DLG2: variants seen among roughly 807,000 people sequenced by gnomAD.
DLG2 encodes the protein disks large homolog 2.
A neutral mutation model predicts 132.5 loss-of-function variants in DLG2; 45 were observed. That is an observed-to-expected ratio of 0.34 (90% confidence interval 0.27 to 0.44). The LOEUF is 0.44. Among genes scored for constraint, DLG2 ranks in the 20% least tolerant of loss-of-function variants. The pLI is 1.00. For missense variants in DLG2, 1,045 were observed against 1,196.9 expected, an observed-to-expected ratio of 0.87 and a Z score of 1.87; for synonymous variants, 424 against 419.6, an observed-to-expected ratio of 1.01 and a Z score of -0.13.
intron 6 of DLG2, among the ~76,000 whole-genome samples, chr11:84,967,952 T>C (rs1364752292): frequency 1.3e-5 from 2 of 152,090 alleles, no homozygotes; most frequent in Admixed American, 1.3e-4. Flanking sequence ...TTCAGTGGAA[T>C]AACCTAGAAA....
intron 4 of DLG2, among the ~76,000 whole-genome samples, chr11:85,204,379 A>G (rs1176928429): frequency 1.3e-5 from 2 of 152,186 alleles, no homozygotes; most frequent in Non-Finnish European, 2.9e-5. Flanking sequence ...TAGCATTTCT[A>G]TATGTTAACT....
In DLG2 at chr11:84,254,989, GAC is replaced by G. The variant is rs1206166999; in HGVS notation, c.520-3700_520-3699del. Among the ~76,000 whole-genome samples the G allele has an allele frequency of 3.3e-5, 5 of 152,262 alleles. No homozygotes were observed. In the East Asian group the frequency reaches 9.7e-4, roughly 29 times the overall value. ...GATGCCACGGTAGGCTCTTCTGAAT[GAC>G]ACACTACCCCACTGTGCTGCTACAC... On this transcript the variant is annotated intron_variant, in intron 7 of 27. Transcript: ENST00000376104.
chr11:84,559,126 G>T (rs1412489233), intron 6 of DLG2, among the ~76,000 whole-genome samples: 1 of 152,138 alleles, frequency 6.6e-6, no homozygotes, highest in Non-Finnish European at 1.5e-5. Flanking sequence ...AATAGATATT[G>T]TATGAAGGCA....
intron 4 of DLG2, among the ~76,000 whole-genome samples, chr11:85,193,898 G>T (rs1032917323): frequency 9.9e-5 from 15 of 152,174 alleles, no homozygotes; most frequent in Non-Finnish European, 1.8e-4. Context: ...CAGTGTCTTG[G>T]TCATTTTGTC....
intron 6 of DLG2, among the ~76,000 whole-genome samples, chr11:84,911,289 ACTTTTAAATTTTAATTC>A (rs919802239): frequency 6.6e-6 from 1 of 151,998 alleles, no homozygotes; most frequent in Non-Finnish European, 1.5e-5. Context: ...ATGTTGCTTA[ACTTTTAAATTTTAATTC>A]ATAATTGTAC....
intron 14 of DLG2, among the ~76,000 whole-genome samples, chr11:83,941,794 C>T (rs2082725852): frequency 6.6e-6 from 1 of 152,176 alleles, no homozygotes; most frequent in Non-Finnish European, 1.5e-5. Context: ...CATCTATACT[C>T]AAATCTATAC....
intron 14 of DLG2, among the ~76,000 whole-genome samples, chr11:83,952,326 G>A (rs2085681272): frequency 6.6e-6 from 1 of 152,100 alleles, no homozygotes; most frequent in Non-Finnish European, 1.5e-5. Flanking sequence ...CACCATGGGG[G>A]AAAGAGTGAG....
intron 6 of DLG2, among the ~76,000 whole-genome samples, chr11:85,078,599 C>T (rs537241873): frequency 5.3e-5 from 8 of 152,058 alleles, no homozygotes; most frequent in Admixed American, 1.3e-4. Context: ...ACTGAAATAA[C>T]CTTTCCTGTA....
At chr11:85,100,401 TA>T (rs1172651339) in intron 6 of DLG2, among the ~76,000 whole-genome samples, 1 of 152,182 alleles carries the variant, frequency 6.6e-6, no homozygotes, top group Admixed American at 6.5e-5. Context: ...TAATTATTTT[TA>T]TTTCATAAAT....
chr11:85,044,101 C>T (rs1050714152), intron 6 of DLG2, among the ~76,000 whole-genome samples: 1 of 151,914 alleles, frequency 6.6e-6, no homozygotes, highest in Non-Finnish European at 1.5e-5. Context: ...TGTTACTTTG[C>T]CCCATTCATC....
chr11:83,888,351 T>C (rs1457149948), intron 15 of DLG2, among the ~76,000 whole-genome samples: 2 of 152,014 alleles, frequency 1.3e-5, no homozygotes, highest in East Asian at 1.9e-4. Flanking sequence ...CCATTCACAA[T>C]TGCTTCAAAG....
chr11:84,918,567 C>T (rs528348650), intron 6 of DLG2, among the ~76,000 whole-genome samples: 1 of 152,042 alleles, frequency 6.6e-6, no homozygotes, highest in South Asian at 2.1e-4. Flanking sequence ...ACTGAATAAA[C>T]CTGGTGAAAA....
chr11:83,912,438 A>G (rs1232253324), intron 15 of DLG2, among the ~76,000 whole-genome samples: 1 of 152,080 alleles, frequency 6.6e-6, no homozygotes, highest in Non-Finnish European at 1.5e-5. Context: ...AATGTTGTGC[A>G]TGAGTGTACA....
Position 85,497,616 on chromosome 11 carries a change from C to A in DLG2, c.40+101041G>T, listed in dbSNP as rs181811669. ...TTCCTTGAAAAGAGCAACACCAAGA[C>A]ACAAAATTGTCAATTTCACCAAGGT... is the stretch of plus-strand genomic sequence containing the variant. On this transcript the variant is annotated intron_variant, in intron 3 of 27. Transcript: ENST00000376104. 2.6e-3 allele frequency among the ~76,000 whole-genome samples: 392 copies of A among 152,184 alleles called. 3 individuals carry two copies. Among genetic ancestry groups the A allele is most frequent in the Non-Finnish European group, 4.4e-3 (300 of 68,008 alleles).
chr11:85,125,072 T>C (rs960933409), intron 5 of DLG2, among the ~76,000 whole-genome samples: 1 of 152,166 alleles, frequency 6.6e-6, no homozygotes, highest in Non-Finnish European at 1.5e-5. Context: ...CCTCATGATC[T>C]GCCCGTCTCG....
At chr11:83,792,440 C>A (rs540676270) in intron 17 of DLG2, among the ~76,000 whole-genome samples, 1 of 152,170 alleles carries the variant, frequency 6.6e-6, no homozygotes, top group South Asian at 2.1e-4. Flanking sequence ...AAGTAAGGCA[C>A]AATGAAAAGA....
At chr11:84,184,046 G>A (rs9704106) in intron 8 of DLG2, among the ~76,000 whole-genome samples, 129,328 of 151,952 alleles carry the variant, frequency 0.85, 55,249 homozygotes, top group Middle Eastern at 0.92. Flanking sequence ...ACGTGTGCAC[G>A]TGTCTTTATA....
chr11:83,775,820 C>T (rs2094558629), intron 18 of DLG2, among the ~76,000 whole-genome samples: 1 of 151,934 alleles, frequency 6.6e-6, no homozygotes, highest in African/African-American at 2.4e-5. Context: ...TAGCCGGGCG[C>T]AGTGGCTCAC....
At chr11:84,536,819 A>G (rs1371049024) in intron 6 of DLG2, among the ~76,000 whole-genome samples, 1 of 152,148 alleles carries the variant, frequency 6.6e-6, no homozygotes, top group Non-Finnish European at 1.5e-5. Flanking sequence ...ACTTGAGTCC[A>G]CACTCTCCTT....
Sources: gnomAD v4.1 joint callset for allele counts (sites outside exome capture counted in the v4.1 genomes callset) on GRCh38, gnomAD v4.1.1 for gene constraint, MANE v1.5 for transcripts, NCBI Gene and HGNC (gene_info 2026-07-23, HGNC 2026-07-21) for gene names.